The following DPP6 variants were observed in gnomAD, a reference collection of about 807,000 sequenced individuals.
DPP6 encodes the protein A-type potassium channel modulatory protein DPP6.
In DPP6, 69 loss-of-function variants were observed where a neutral mutation model predicts 122.6. The ratio of observed to expected loss-of-function variants is 0.56; its 90% CI spans 0.46 to 0.69. DPP6 has a LOEUF of 0.69. DPP6 is among the 30% of genes least tolerant of loss of function. The pLI is 0.00. For missense variants in DPP6, 928 were observed against 1,116.9 expected, an observed-to-expected ratio of 0.83 and a Z score of 2.41; for synonymous variants, 418 against 433.1, an observed-to-expected ratio of 0.97 and a Z score of 0.43.
At chr7:154,673,465 C>G (rs1246874604) in intron 7 of DPP6, among the ~76,000 whole-genome samples, 1 of 152,128 alleles carries the variant, frequency 6.6e-6, no homozygotes, top group Non-Finnish European at 1.5e-5. Context: ...GTTGTGAGAC[C>G]CATAGAACAT....
At chr7:154,674,173 G>A (rs1743986910) in intron 7 of DPP6, among the ~76,000 whole-genome samples, 1 of 152,144 alleles carries the variant, frequency 6.6e-6, no homozygotes, top group African/African-American at 2.4e-5. Context: ...ACTCTGCCCG[G>A]CCATCCATGT....
intron 7 of DPP6, among the ~76,000 whole-genome samples, chr7:154,721,757 A>G (rs1841822409): frequency 6.6e-6 from 1 of 151,578 alleles, no homozygotes; most frequent in Non-Finnish European, 1.5e-5. Context: ...TGGATTTTTT[A>G]TAAGGGAGAC....
At chr7:154,861,998 TG>T (rs1437001671) in intron 17 of DPP6, among the ~76,000 whole-genome samples, 1 of 152,256 alleles carries the variant, frequency 6.6e-6, no homozygotes, top group African/African-American at 2.4e-5. Context: ...TTATTTTCAA[TG>T]ATCTATTGAT....
At chr7:154,463,699 A>T (rs1052810412) in intron 2 of DPP6, among the ~76,000 whole-genome samples, 2 of 152,006 alleles carry the variant, frequency 1.3e-5, no homozygotes, top group East Asian at 3.9e-4. Flanking sequence ...ATCCTGCCAG[A>T]TTGGGTTTTT....
At chr7:154,354,035 G>A (rs1197565795) in intron 1 of DPP6, among the ~76,000 whole-genome samples, 1 of 152,190 alleles carries the variant, frequency 6.6e-6, no homozygotes, top group Non-Finnish European at 1.5e-5. Flanking sequence ...ACTGTGCTAA[G>A]CCCAGGGGAT....
At position 153,971,536 on chromosome 7, in the gene DPP6, C is replaced by G. The variant is rs1159385010; in HGVS notation, c.51+83802C>G. Among the ~76,000 whole-genome samples the G allele has an allele frequency of 1.4e-5, 2 of 138,296 alleles. 1 individual carries two copies. Among genetic ancestry groups the G allele is most frequent in the African/African-American group, 5.1e-5 (2 of 38,912 alleles). The allele number at this position is 138,296 out of a possible 152,430, so 90.7% of individuals were successfully genotyped here. A position where few individuals can be genotyped will look rare whatever the true frequency, so the allele number is the denominator to read the frequency against. On this transcript the variant is annotated intron_variant, in intron 1 of 25. Transcript: ENST00000404039. ...AAGGGGAAAAGTGTTCAGTATTCAT[C>G]CATTCAGTATGTTACTTGTCAGTTT... is the stretch of plus-strand genomic sequence containing the variant.
intron 1 of DPP6, among the ~76,000 whole-genome samples, chr7:154,107,755 G>A (rs1430455148): frequency 2.0e-5 from 3 of 152,160 alleles, no homozygotes; most frequent in Non-Finnish European, 4.4e-5. Context: ...AACCTTACCA[G>A]GGTTCTTTTG....
the DPP6 span, among the ~76,000 whole-genome samples, chr7:153,760,893 A>G: frequency 1.3e-5 from 2 of 152,100 alleles, no homozygotes; most frequent in African/African-American, 4.8e-5. Context: ...GGCCCTCAGC[A>G]GATCTCCAAA....
intron 5 of DPP6, among the ~76,000 whole-genome samples, chr7:154,613,300 G>A (rs189261825): frequency 5.3e-5 from 8 of 152,150 alleles, no homozygotes; most frequent in African/African-American, 1.9e-4. Context: ...AAGGAGTTAA[G>A]GGTTGCAGAT....
In DPP6 at chr7:154,844,836, C is replaced by T. The variant is rs113519171; in HGVS notation, c.1667-8944C>T. Among the ~76,000 whole-genome samples, 1,329 of 152,272 alleles carry T rather than the reference C, an allele frequency of 8.7e-3. 11 individuals are homozygous for T. Among genetic ancestry groups the T allele is most frequent in the Non-Finnish European group, 0.013 (872 of 68,020 alleles). On this transcript the variant is annotated intron_variant, in intron 16 of 25. Transcript: ENST00000377770. ...GCCTCCTTAAATGTAATTTTATTCA[C>T]GTTCTTTGTATTCCACTAGTGTAAA...
intron 1 of DPP6, among the ~76,000 whole-genome samples, chr7:154,308,736 C>T (rs1806589870): frequency 1.3e-5 from 2 of 151,964 alleles, no homozygotes. Context: ...TTTTTTTTCC[C>T]TTAAAATAAA....
chr7:153,900,818 C>A (rs140786033), intron 1 of DPP6, among the ~76,000 whole-genome samples: 1 of 152,120 alleles, frequency 6.6e-6, no homozygotes, highest in South Asian at 2.1e-4. Context: ...ATCCGTAGCA[C>A]GCTTTATGGT....
intron 1 of DPP6, among the ~76,000 whole-genome samples, chr7:154,387,614 T>C (rs1028669101): frequency 6.6e-6 from 1 of 152,206 alleles, no homozygotes; most frequent in Admixed American, 6.5e-5. Flanking sequence ...TATTTTCTCA[T>C]ATGAGTGAAG....
intron 6 of DPP6, among the ~76,000 whole-genome samples, chr7:154,668,218 T>TATATATATATATATATATATAA (rs1838313066): frequency 9.2e-6 from 1 of 108,804 alleles, no homozygotes; most frequent in African/African-American, 3.1e-5. Context: ...TATATATATA[T>TATATATATATATATATATATAA]AATATACACA....
chr7:153,953,379 C>G (rs928207741), intron 1 of DPP6, among the ~76,000 whole-genome samples: 1 of 152,148 alleles, frequency 6.6e-6, no homozygotes, highest in Non-Finnish European at 1.5e-5. Context: ...GGAAATGACA[C>G]AGATCTCCAA....
rs1425807323 is a variant in DPP6 at position 154,804,058 on chromosome 7, C to T, written c.1499+103C>T. The T allele has an allele frequency of 2.2e-6, 3 of 1,353,982 alleles. No individual in the cohort carries two copies. In the East Asian group the frequency reaches 7.6e-5, roughly 34 times the overall value. 83.9% of individuals were successfully genotyped at this position (1,353,982 alleles called of 1,614,324 possible). A position where few individuals can be genotyped will look rare whatever the true frequency, so the allele number is the denominator to read the frequency against. On this transcript the variant is annotated intron_variant, in intron 14 of 25. Coordinates refer to ENST00000377770, the MANE Select transcript of DPP6 (RefSeq NM_130797.4). ...GGAGTACAGGAGCACAGGAGGCCTC[C>T]TCTTTCCTCCTCAGGCAGCATCACT...
chr7:154,843,112 A>G (rs932575012), intron 16 of DPP6, among the ~76,000 whole-genome samples: 1 of 152,226 alleles, frequency 6.6e-6, no homozygotes, highest in Admixed American at 6.5e-5. Flanking sequence ...ATGAAATATG[A>G]TTGTATGCTT....
At chr7:154,273,158 G>T (rs1012711500) in intron 1 of DPP6, among the ~76,000 whole-genome samples, 1 of 152,196 alleles carries the variant, frequency 6.6e-6, no homozygotes, top group African/African-American at 2.4e-5. Context: ...CCCAGGAATT[G>T]ATTTGAGTGC....
chr7:154,343,459 C>T (rs1035934510), intron 1 of DPP6, among the ~76,000 whole-genome samples: 3 of 152,222 alleles, frequency 2.0e-5, no homozygotes, highest in South Asian at 2.1e-4. Context: ...TGCTATTCAG[C>T]GGCTTGAAGT....
Sources: allele counts gnomAD v4.1 joint callset (sites outside exome capture counted in the v4.1 genomes callset), GRCh38; gene constraint gnomAD v4.1.1; transcripts MANE v1.5; gene names NCBI Gene and HGNC (gene_info 2026-07-23, HGNC 2026-07-21).